CHM: variants seen among roughly 807,000 people sequenced by gnomAD.
CHM encodes rab proteins geranylgeranyltransferase component A 1.
Under a neutral mutation model 49.0 loss-of-function variants are expected in CHM, and 10 were observed. That is an observed-to-expected ratio of 0.20 (90% CI 0.13 to 0.35). The LOEUF (loss-of-function observed/expected upper bound fraction) is 0.35, where lower values mean the gene tolerates loss of function less well. Among genes scored for constraint, CHM ranks in the 10% least tolerant of loss-of-function variants. The pLI is 1.00. For missense variants in CHM, 455 were observed against 478.4 expected (o/e 0.95, Z 0.46); for synonymous variants, 184 against 167.5 (o/e 1.10, Z -0.76).
chrX:85,973,320 A>AAAAAAAAAAAAAAAAAAAAAAAAAAAAAT, intron 4 of CHM, among the ~76,000 whole-genome samples: 1 of 102,811 alleles, frequency 9.7e-6, no homozygotes, highest in African/African-American at 3.5e-5. Flanking sequence ...AAAAAAAAAA[A>AAAAAAAAAAAAAAAAAAAAAAAAAAAAAT]AAAAAAAAAA....
At chrX:86,018,299 C>A (rs1031584984) in intron 2 of CHM, among the ~76,000 whole-genome samples, 8 of 111,439 alleles carry the variant, frequency 7.2e-5, no homozygotes, top group African/African-American at 2.6e-4. Flanking sequence ...AGATCATTAG[C>A]CAGTAAGAAA....
intron 6 of CHM, 42 bp downstream of exon 6, chrX:85,958,819 C>G (rs759513810): frequency 4.9e-5 from 59 of 1,207,571 alleles, no homozygotes; most frequent in Non-Finnish European, 6.3e-5. Context: ...ACCATAATAA[C>G]TTAAGCTGAT....
chrX:86,002,064 TC>T (rs1932751812), intron 2 of CHM, among the ~76,000 whole-genome samples: 1 of 111,266 alleles, frequency 9.0e-6, no homozygotes, highest in East Asian at 2.9e-4. Flanking sequence ...GTTTTATAAC[TC>T]CATAAAACTG....
chrX:85,869,799 C>A (rs763717853), intron 14 of CHM, among the ~76,000 whole-genome samples: 1 of 111,796 alleles, frequency 8.9e-6, no homozygotes, highest in South Asian at 3.8e-4. Context: ...CTTTTTTAAG[C>A]CAGAAGTTAG....
chrX:85,960,869 T>A (rs1317232828), intron 5 of CHM, among the ~76,000 whole-genome samples: 1 of 111,788 alleles, frequency 8.9e-6, no homozygotes, highest in Non-Finnish European at 1.9e-5. Flanking sequence ...TTATTAAGAG[T>A]ATGGACTTAC....
chrX:85,947,514 C>T (rs1032643496), intron 8 of CHM, among the ~76,000 whole-genome samples: 1 of 111,354 alleles, frequency 9.0e-6, no homozygotes, highest in Middle Eastern at 4.6e-3. Flanking sequence ...TTGAGGCCTT[C>T]CCAGAAGTTG....
At chrX:86,025,566 A>C (rs962110305) in intron 2 of CHM, among the ~76,000 whole-genome samples, 1 of 108,939 alleles carries the variant, frequency 9.2e-6, no homozygotes, top group Non-Finnish European at 1.9e-5. Flanking sequence ...AGTCCTAGTT[A>C]CCCAGGAGGC....
chrX:85,879,152 A>G (rs1467320007), intron 12 of CHM, 89 bp from the exon 13 acceptor site: 2 of 640,981 alleles, frequency 3.1e-6, no homozygotes, highest in African/African-American at 2.2e-5. Context: ...TGGATAATAG[A>G]GAGCTGAGCA....
In CHM at chrX:86,035,787, AT is replaced by A. The variant is rs1172786407; in HGVS notation, c.50-8231del. ...AAGATACTGTCGACGAAAAGAGTTC[AT>A]TTTTTTTTTTTTTTTTTTTTTTTGA... is the stretch of plus-strand genomic sequence containing the variant. On this transcript the variant is annotated intron_variant, in intron 1 of 14. Transcript: ENST00000357749. Among the ~76,000 whole-genome samples, 411 of 76,779 alleles carry A rather than the reference AT, an allele frequency of 5.4e-3. 1 individual carries two copies. The highest frequency in any genetic ancestry group is 0.012 in the East Asian group (30 of 2,466). The allele number at this position is 76,779 out of a possible 115,157, so 66.7% of individuals were successfully genotyped here.
At chrX:85,913,977 C>T (rs1325711527) in intron 8 of CHM, among the ~76,000 whole-genome samples, 1 of 111,300 alleles carries the variant, frequency 9.0e-6, no homozygotes, top group African/African-American at 3.3e-5. Context: ...GAGAAGACTC[C>T]ATGGGGTTGC....
At chrX:85,968,721 C>A (rs1603265598) in intron 4 of CHM, among the ~76,000 whole-genome samples, 1 of 112,057 alleles carries the variant, frequency 8.9e-6, no homozygotes, top group South Asian at 3.7e-4. Context: ...TATGTGAGAA[C>A]CTCTTTGAAA....
chrX:85,912,820 C>T (rs1486306774), intron 8 of CHM, among the ~76,000 whole-genome samples: 3 of 108,625 alleles, frequency 2.8e-5, no homozygotes, highest in Non-Finnish European at 5.7e-5. Context: ...CTAAGACCAG[C>T]CTGGCTAACA....
At chrX:85,913,263 C>T (rs1261939003) in intron 8 of CHM, among the ~76,000 whole-genome samples, 2 of 87,350 alleles carry the variant, frequency 2.3e-5, no homozygotes, top group Non-Finnish European at 4.3e-5. Context: ...TTGCAGTGAG[C>T]TGAGATTGTG....
chrX:85,970,528 T>C (rs1204633924), intron 4 of CHM: 2 of 675,265 alleles, frequency 3.0e-6, no homozygotes, highest in African/African-American at 4.8e-5. Flanking sequence ...GTTTTTGAGT[T>C]AGAAAAACAC....
At chrX:86,035,942 C>T (rs763340318) in intron 1 of CHM, among the ~76,000 whole-genome samples, 7 of 108,670 alleles carry the variant, frequency 6.4e-5, no homozygotes, top group Admixed American at 4.9e-4. Context: ...TACAGGTATC[C>T]GCCACCATGC....
At chrX:85,911,223 A>ATATG (rs1926996788) in intron 9 of CHM, 38 bp downstream of exon 9, 2 of 154,892 alleles carry the variant, frequency 1.3e-5, no homozygotes, top group East Asian at 5.6e-4. Context: ...ATGAATATAT[A>ATATG]TATATATATA....
At chrX:85,864,842 A>G (rs768942377) in intron 14 of CHM, 21 bp from the exon 15 acceptor site, 7 of 1,190,108 alleles carry the variant, frequency 5.9e-6, no homozygotes, top group Non-Finnish European at 5.7e-6. Context: ...AAGAAAAGAT[A>G]AAATCGTTTT....
At chrX:85,887,389 C>T (rs1181678514) in intron 12 of CHM, among the ~76,000 whole-genome samples, 1 of 111,804 alleles carries the variant, frequency 8.9e-6, no homozygotes, top group Non-Finnish European at 1.9e-5. Flanking sequence ...TTGATTCCCA[C>T]CATGACTGTG....
chrX:85,904,022 T>C (rs748006513), intron 9 of CHM, among the ~76,000 whole-genome samples: 3 of 111,642 alleles, frequency 2.7e-5, no homozygotes, highest in South Asian at 3.7e-4. Flanking sequence ...TTCAGCATAA[T>C]TGGGAAAACA....
Sources: allele counts gnomAD v4.1 joint callset (sites outside exome capture counted in the v4.1 genomes callset), GRCh38; gene constraint gnomAD v4.1.1; transcripts MANE v1.5; gene names NCBI Gene and HGNC (gene_info 2026-07-23, HGNC 2026-07-21).